Variants in NAA35 observed in about 807,000 individuals in gnomAD.
NAA35 encodes the protein N-alpha-acetyltransferase 35, NatC auxiliary subunit.
A neutral mutation model predicts 101.7 loss-of-function variants in NAA35; 18 were observed. That is an observed-to-expected ratio of 0.18 (90% CI 0.12 to 0.26). The LOEUF is 0.26. Among genes scored for constraint, NAA35 ranks in the 10% least tolerant of loss-of-function variants. The pLI is 1.00. For synonymous variants in NAA35, 267 were observed against 273.1 expected (o/e 0.98, Z 0.22); for missense variants, 601 against 886.8 (o/e 0.68, Z 4.09).
At chr9:86,020,305 A>C (rs2118520230) in intron 21 of NAA35, among the ~76,000 whole-genome samples, 1 of 152,314 alleles carries the variant, frequency 6.6e-6, no homozygotes, top group Admixed American at 6.5e-5. Context: ...TATTTCATTT[A>C]GTGAAACTTC....
At chr9:86,012,117 C>CTT (rs200710755) in intron 15 of NAA35, among the ~76,000 whole-genome samples, 28 of 141,164 alleles carry the variant, frequency 2.0e-4, no homozygotes, top group African/African-American at 2.6e-4. Context: ...TAAACTTTCC[C>CTT]TTTTTTTTTT....
intron 2 of NAA35, among the ~76,000 whole-genome samples, chr9:85,946,803 C>T (rs1034942748): frequency 3.9e-5 from 6 of 151,968 alleles, no homozygotes; most frequent in Admixed American, 3.9e-4. Context: ...TTGTTCATTC[C>T]TCCGTAGTCA....
chr9:86,013,628 C>T (rs1832063037), intron 16 of NAA35, 91 bp from the exon 17 acceptor site: 1 of 1,203,260 alleles, frequency 8.3e-7, no homozygotes, highest in Non-Finnish European at 1.2e-6. Flanking sequence ...ATTTTCTGCT[C>T]ATATTCTTTT....
At chr9:85,973,535 T>C (rs997230175) in intron 6 of NAA35, among the ~76,000 whole-genome samples, 1 of 152,152 alleles carries the variant, frequency 6.6e-6, no homozygotes. Flanking sequence ...GTAGATTTGA[T>C]ACAGGATGTA....
At chr9:85,972,637 A>G (rs1367703285) in intron 6 of NAA35, among the ~76,000 whole-genome samples, 1 of 152,094 alleles carries the variant, frequency 6.6e-6, no homozygotes. Context: ...CATAGCCACA[A>G]CAGGATAAGT....
Position 85,977,573 on chromosome 9 carries a change from G to A in NAA35, c.762+127G>A, listed in dbSNP as rs1369185761. 1.1e-5 allele frequency: 7 copies of A among 648,578 alleles called. No individual in the cohort carries two copies. In the African/African-American group the frequency reaches 1.3e-4, roughly 12 times the overall value. The allele number at this position is 648,578 out of a possible 1,614,324, so 40.2% of individuals were successfully genotyped here. ...CCAGATATACAGAACTCAGCATTTG[G>A]TATATTTATACCAGTGTAACACTGA... On this transcript the variant is annotated intron_variant, in intron 10 of 22. Transcript: ENST00000361671.
At chr9:86,017,449 G>A in intron 18 of NAA35, 49 bp from the exon 19 acceptor site, 1 of 1,548,810 alleles carries the variant, frequency 6.5e-7, no homozygotes, top group Non-Finnish European at 8.9e-7. Context: ...TAATGCAAGA[G>A]GGAGGAGGAA....
intron 12 of NAA35, among the ~76,000 whole-genome samples, chr9:86,002,730 T>C (rs960164031): frequency 6.6e-6 from 1 of 152,194 alleles, no homozygotes; most frequent in Admixed American, 6.6e-5. Context: ...TTATGCCAGC[T>C]ATTTTATCCT....
chr9:85,972,318 C>G (rs902881125), intron 6 of NAA35, among the ~76,000 whole-genome samples: 15 of 151,878 alleles, frequency 9.9e-5, no homozygotes, highest in African/African-American at 3.6e-4. Flanking sequence ...CCAGCCTGGA[C>G]AACATGGCGA....
intron 2 of NAA35, among the ~76,000 whole-genome samples, chr9:85,952,372 A>G (rs1035493848): frequency 2.7e-5 from 4 of 145,696 alleles, no homozygotes; most frequent in African/African-American, 7.7e-5. Flanking sequence ...TACAACTTCT[A>G]CCTCCTGGGT....
chr9:86,004,800 A>G (rs1014369043), intron 13 of NAA35, among the ~76,000 whole-genome samples: 1 of 152,246 alleles, frequency 6.6e-6, no homozygotes. Flanking sequence ...GCAAAAGCAG[A>G]TAAAATGGAC....
chr9:86,013,023 G>T, intron 15 of NAA35, 23 bp from the exon 16 acceptor site: 2 of 1,436,274 alleles, frequency 1.4e-6, no homozygotes, highest in South Asian at 3.1e-5. Flanking sequence ...ATTTACAGTT[G>T]ACAAATTATA....
At chr9:85,988,244 C>T (rs984479000) in intron 11 of NAA35, among the ~76,000 whole-genome samples, 4 of 152,154 alleles carry the variant, frequency 2.6e-5, no homozygotes. Flanking sequence ...AGTATTTATA[C>T]ACAAATATTC....
At chr9:85,950,553 T>C (rs1828974561) in intron 2 of NAA35, among the ~76,000 whole-genome samples, 1 of 152,128 alleles carries the variant, frequency 6.6e-6, no homozygotes, top group Non-Finnish European at 1.5e-5. Context: ...ATTACTGAAG[T>C]TCTAAGGAAT....
At chr9:85,994,965 A>G (rs1272348906) in intron 11 of NAA35, among the ~76,000 whole-genome samples, 3 of 152,200 alleles carry the variant, frequency 2.0e-5, no homozygotes, top group Non-Finnish European at 2.9e-5. Flanking sequence ...CACATTGTGT[A>G]CATGTATCAA....
chr9:85,987,920 GCTGA>G (rs1357765224), intron 11 of NAA35, among the ~76,000 whole-genome samples: 1 of 152,240 alleles, frequency 6.6e-6, no homozygotes, highest in Non-Finnish European at 1.5e-5. Flanking sequence ...GAGTACACAA[GCTGA>G]CTGTGTTAAA....
intron 9 of NAA35, 51 bp from the exon 10 acceptor site, chr9:85,977,312 C>A: frequency 8.0e-7 from 1 of 1,252,368 alleles, no homozygotes; most frequent in African/African-American, 1.5e-5. Flanking sequence ...AATGAAATTC[C>A]TTTCACGGGC....
At chr9:86,003,053 A>G (rs963135212) in intron 12 of NAA35, among the ~76,000 whole-genome samples, 2 of 152,070 alleles carry the variant, frequency 1.3e-5, no homozygotes, top group Admixed American at 1.3e-4. Flanking sequence ...GGCTTTCTGT[A>G]GGGTCTTTAT....
intron 6 of NAA35, 38 bp downstream of exon 6, chr9:85,962,218 C>T (rs369487128): frequency 1.1e-5 from 17 of 1,595,006 alleles, no homozygotes; most frequent in African/African-American, 4.0e-5. Context: ...TGGCCAGGTG[C>T]GGTGGCTCAT....
Sources: gnomAD v4.1 joint callset for allele counts (sites outside exome capture counted in the v4.1 genomes callset) on GRCh38, gnomAD v4.1.1 for gene constraint, MANE v1.5 for transcripts, NCBI Gene and HGNC (gene_info 2026-07-23, HGNC 2026-07-21) for gene names.